LRRC4C: variants seen among roughly 807,000 people sequenced by gnomAD.
LRRC4C encodes leucine rich repeat containing 4C, also known as leucine-rich repeat-containing protein 4C.
A neutral mutation model predicts 33.6 loss-of-function variants in LRRC4C; 5 were observed. The observed-to-expected ratio is 0.15, with a 90% CI of 0.08 to 0.31. The LOEUF (loss-of-function observed/expected upper bound fraction) is 0.31, where lower values mean the gene tolerates loss of function less well. Among genes scored for constraint, LRRC4C ranks in the 10% least tolerant of loss-of-function variants. The pLI is 1.00. For missense variants in LRRC4C, 560 were observed against 796.7 expected (o/e 0.70, Z 3.58); for synonymous variants, 329 against 302.0 (o/e 1.09, Z -0.93).
At chr11:41,220,443 G>C (rs188897093) in intron 1 of LRRC4C, among the ~76,000 whole-genome samples, 4 of 150,832 alleles carry the variant, frequency 2.7e-5, no homozygotes, top group Non-Finnish European at 5.9e-5. Context: ...TTTTTTTGGC[G>C]GGGGGGTGTT....
chr11:40,898,192 T>G (rs1442918480), intron 2 of LRRC4C, among the ~76,000 whole-genome samples: 1 of 151,234 alleles, frequency 6.6e-6, no homozygotes, highest in Non-Finnish European at 1.5e-5. Context: ...CCATCTCTAC[T>G]AAAAATACAA....
chr11:40,928,133 T>G (rs1242367697), intron 2 of LRRC4C, among the ~76,000 whole-genome samples: 1 of 151,950 alleles, frequency 6.6e-6, no homozygotes, highest in African/African-American at 2.4e-5. Flanking sequence ...TATCTAAATC[T>G]TACACTGTTT....
At chr11:40,941,315 T>C (rs1048097054) in intron 1 of LRRC4C, among the ~76,000 whole-genome samples, 1 of 152,108 alleles carries the variant, frequency 6.6e-6, no homozygotes, top group Admixed American at 6.6e-5. Flanking sequence ...TATTAAGAAC[T>C]GATATCTGAT....
chr11:40,288,919 A>G (rs183286633), intron 4 of LRRC4C, among the ~76,000 whole-genome samples: 70 of 152,312 alleles, frequency 4.6e-4, no homozygotes, highest in African/African-American at 1.4e-3. Context: ...AATACCAGAA[A>G]TCTCTTATTC....
At position 41,168,999 on chromosome 11, in the gene LRRC4C, A is replaced by G. The variant is rs139489936; in HGVS notation, c.-495-235276T>C. On this transcript the variant is annotated intron_variant, in intron 1 of 6. Coordinates refer to ENST00000528697, the MANE Select transcript of LRRC4C (RefSeq NM_001258419.2). ...AAGGAGATTGTGAAATAGTATTATT[A>G]GTCTATTTTGCAAACAAGAAGATGA... Among the ~76,000 whole-genome samples, 219 of 152,288 alleles carry G rather than the reference A, an allele frequency of 1.4e-3. 1 individual carries two copies. The highest frequency in any genetic ancestry group is 5.0e-3 in the African/African-American group (206 of 41,554).
chr11:40,861,997 C>G (rs1170883041), intron 2 of LRRC4C, among the ~76,000 whole-genome samples: 1 of 152,122 alleles, frequency 6.6e-6, no homozygotes, highest in Non-Finnish European at 1.5e-5. Flanking sequence ...GATCACATTT[C>G]AATGTAAAAT....
chr11:40,300,189 A>G (rs2136658575), intron 4 of LRRC4C, among the ~76,000 whole-genome samples: 1 of 152,270 alleles, frequency 6.6e-6, no homozygotes, highest in Admixed American at 6.5e-5. Flanking sequence ...ACCAAAGGGG[A>G]GGTGCTAAAC....
At chr11:40,946,120 T>C in intron 1 of LRRC4C, among the ~76,000 whole-genome samples, 1 of 152,100 alleles carries the variant, frequency 6.6e-6, no homozygotes, top group East Asian at 1.9e-4. Flanking sequence ...TCAGTGTCTA[T>C]TGTCAGTGTC....
intron 3 of LRRC4C, among the ~76,000 whole-genome samples, chr11:40,601,789 T>C (rs1960020629): frequency 6.6e-6 from 1 of 152,224 alleles, no homozygotes; most frequent in Non-Finnish European, 1.5e-5. Context: ...TATTAGAATA[T>C]ACCTTACTTT....
chr11:40,695,764 C>T (rs1945471235), intron 2 of LRRC4C, among the ~76,000 whole-genome samples: 1 of 152,100 alleles, frequency 6.6e-6, no homozygotes, highest in Admixed American at 6.6e-5. Context: ...ATCATTACAT[C>T]TCCTTCTCTG....
At chr11:40,330,790 A>G (rs2136933826) in intron 3 of LRRC4C, among the ~76,000 whole-genome samples, 1 of 152,284 alleles carries the variant, frequency 6.6e-6, no homozygotes, top group Admixed American at 6.5e-5. Context: ...ACATGTGGGG[A>G]TTATGGGAAC....
chr11:40,756,424 G>T (rs1204930602), intron 2 of LRRC4C, among the ~76,000 whole-genome samples: 1 of 151,966 alleles, frequency 6.6e-6, no homozygotes, highest in East Asian at 1.9e-4. Context: ...GCAGCATTTT[G>T]TTAGCTTAAT....
chr11:41,122,429 G>T (rs1235356704), intron 1 of LRRC4C, among the ~76,000 whole-genome samples: 1 of 151,986 alleles, frequency 6.6e-6, no homozygotes, highest in Non-Finnish European at 1.5e-5. Flanking sequence ...AGATCAAATT[G>T]TGTTGCCTTC....
At chr11:40,874,339 CTCTCCACA>C (rs1356983994) in intron 2 of LRRC4C, among the ~76,000 whole-genome samples, 1 of 152,016 alleles carries the variant, frequency 6.6e-6, no homozygotes. Context: ...TTTCCAGTAA[CTCTCCACA>C]TCTCACCATT....
chr11:40,569,359 C>T lies in LRRC4C; in HGVS notation c.-270+78783G>A, dbSNP rs554619710. Among the ~76,000 whole-genome samples the T allele has an allele frequency of 8.5e-5, 13 of 152,208 alleles. No homozygotes were observed. The South Asian group carries it at 2.7e-3, about 32-fold the overall frequency. ...AATTAAGCCAGAAGAAATTTAGTAT[C>T]CTATCTAGATAATTCCAAAAGCCTA... On this transcript the variant is annotated intron_variant, in intron 3 of 6. Coordinates refer to ENST00000528697, the MANE Select transcript of LRRC4C (RefSeq NM_001258419.2).
chr11:41,456,815 G>T (rs1397563291), intron 1 of LRRC4C, among the ~76,000 whole-genome samples: 1 of 152,054 alleles, frequency 6.6e-6, no homozygotes, highest in Non-Finnish European at 1.5e-5. Flanking sequence ...ACTGAAAAAG[G>T]CATGGATCTG....
intron 1 of LRRC4C, among the ~76,000 whole-genome samples, chr11:41,200,191 G>T (rs140858132): frequency 6.6e-6 from 1 of 152,168 alleles, no homozygotes; most frequent in African/African-American, 2.4e-5. Context: ...GAATGATGTT[G>T]ATCTGGGTCT....
intron 2 of LRRC4C, among the ~76,000 whole-genome samples, chr11:40,746,676 C>A (rs372983811): frequency 6.6e-6 from 1 of 152,132 alleles, no homozygotes; most frequent in African/African-American, 2.4e-5. Flanking sequence ...GCTATGTATG[C>A]TCCATCCCAG....
chr11:40,303,043 T>C (rs75505793), intron 4 of LRRC4C, among the ~76,000 whole-genome samples: 2 of 150,830 alleles, frequency 1.3e-5, no homozygotes, highest in African/African-American at 4.9e-5. Flanking sequence ...TTTTGGGGAG[T>C]TTTTTCGAAC....
Sources: gnomAD v4.1 joint callset for allele counts (sites outside exome capture counted in the v4.1 genomes callset) on GRCh38, gnomAD v4.1.1 for gene constraint, MANE v1.5 for transcripts, NCBI Gene and HGNC (gene_info 2026-07-23, HGNC 2026-07-21) for gene names.